RGL1: variants seen among roughly 807,000 people sequenced by gnomAD.
RGL1 encodes the protein ral guanine nucleotide dissociation stimulator-like 1.
Under a neutral mutation model 95.2 loss-of-function variants are expected in RGL1, and 24 were observed. The ratio of observed to expected loss-of-function variants is 0.25; its 90% CI spans 0.18 to 0.35. The LOEUF (loss-of-function observed/expected upper bound fraction) is 0.35, where lower values mean the gene tolerates loss of function less well. RGL1 is among the 10% of genes least tolerant of loss of function. The pLI is 1.00. For synonymous variants in RGL1, 329 were observed against 344.9 expected, an observed-to-expected ratio of 0.95 and a Z score of 0.51; for missense variants, 715 against 936.3, an observed-to-expected ratio of 0.76 and a Z score of 3.08.
rs759515944 is a variant in RGL1, at chr1:183,722,228, C to CA, written c.-32-19883dup. ...GAGAGAACACTTAATAGTCTGGGAC[C>CA]AAAAAAAAAAAAAAAGATAAATGAA... On this transcript the variant is annotated intron_variant, in intron 1 of 18. Coordinates refer to the RGL1 transcript ENST00000304685. Among the ~76,000 whole-genome samples, 709 of 94,932 alleles carry CA rather than the reference C, an allele frequency of 7.5e-3. 3 individuals are homozygous for CA. Among genetic ancestry groups the CA allele is most frequent in the Admixed American group, 9.9e-3 (90 of 9,068 alleles). 62.3% of individuals were successfully genotyped at this position (94,932 alleles called of 152,430 possible).
chr1:183,650,634 T>C (rs1650673713), intron 1 of RGL1, among the ~76,000 whole-genome samples: 1 of 152,012 alleles, frequency 6.6e-6, no homozygotes, highest in African/African-American at 2.4e-5. Flanking sequence ...TTAATTATTA[T>C]AACACTTTGA....
chr1:183,793,076 G>A (rs544790429), intron 2 of RGL1, among the ~76,000 whole-genome samples: 1 of 152,094 alleles, frequency 6.6e-6, no homozygotes, highest in South Asian at 2.1e-4. Flanking sequence ...GTATGGTATT[G>A]GTTTAAAAAC....
intron 2 of RGL1, among the ~76,000 whole-genome samples, chr1:183,798,810 TG>T (rs796157587): frequency 3.3e-5 from 5 of 152,108 alleles, no homozygotes; most frequent in African/African-American, 1.2e-4. Flanking sequence ...TTTGTCTTTC[TG>T]TATTTGGTTT....
intron 1 of RGL1, among the ~76,000 whole-genome samples, chr1:183,639,110 T>A (rs932587010): frequency 6.6e-6 from 1 of 152,088 alleles, no homozygotes; most frequent in Non-Finnish European, 1.5e-5. Flanking sequence ...GGAAACCCTG[T>A]CTCTACTAAA....
In RGL1 at chr1:183,743,211, G is replaced by A. The variant is rs142701419; in HGVS notation, c.132+922G>A. ...AATTTTTTGTAAAGATGAGACTCTC[G>A]CTATGTTGCCCAGGCTGGTCTTGAA... is the stretch of plus-strand genomic sequence containing the variant. On this transcript the variant is annotated intron_variant, in intron 2 of 18. Transcript: ENST00000304685. Among the ~76,000 whole-genome samples, 6 of 152,062 alleles carry A rather than the reference G, an allele frequency of 3.9e-5. No homozygotes were observed. In the South Asian group the frequency reaches 1.0e-3, roughly 26 times the overall value.
intron 1 of RGL1, among the ~76,000 whole-genome samples, chr1:183,645,581 C>T (rs961554715): frequency 6.6e-6 from 1 of 152,220 alleles, no homozygotes; most frequent in African/African-American, 2.4e-5. Context: ...GGTGGAGCAA[C>T]CCAATTTCTC....
At chr1:183,651,129 C>T (rs956221747) in intron 1 of RGL1, among the ~76,000 whole-genome samples, 6 of 152,048 alleles carry the variant, frequency 3.9e-5, no homozygotes, top group Non-Finnish European at 8.8e-5. Context: ...TTATGTGGTC[C>T]AGTCTCTACT....
intron 2 of RGL1, among the ~76,000 whole-genome samples, chr1:183,820,108 G>A (rs949908984): frequency 3.3e-5 from 5 of 151,870 alleles, no homozygotes; most frequent in African/African-American, 1.2e-4. Flanking sequence ...GTTTCGTTTT[G>A]ATTTAAAGAA....
At chr1:183,739,336 G>C (rs1158743767) in intron 1 of RGL1, among the ~76,000 whole-genome samples, 2 of 152,258 alleles carry the variant, frequency 1.3e-5, no homozygotes, top group African/African-American at 4.8e-5. Context: ...AGCATGAGAA[G>C]GAGGTTGCAT....
chr1:183,773,466 G>A (rs1246493358), intron 2 of RGL1, among the ~76,000 whole-genome samples: 1 of 152,194 alleles, frequency 6.6e-6, no homozygotes, highest in Non-Finnish European at 1.5e-5. Flanking sequence ...GCCCTGAGAT[G>A]AGCATGTGAG....
At chr1:183,730,967 A>G (rs1656597835) in intron 1 of RGL1, among the ~76,000 whole-genome samples, 1 of 152,162 alleles carries the variant, frequency 6.6e-6, no homozygotes, top group African/African-American at 2.4e-5. Flanking sequence ...GAAGTGGACA[A>G]ATGGAGTGGG....
At chr1:183,905,204 G>A (rs1668249667) in intron 13 of RGL1, among the ~76,000 whole-genome samples, 2 of 152,134 alleles carry the variant, frequency 1.3e-5, no homozygotes. Flanking sequence ...CCTTGAACAA[G>A]TCATTTGTTC....
At chr1:183,788,846 C>G (rs1025900388) in intron 2 of RGL1, among the ~76,000 whole-genome samples, 107 of 152,200 alleles carry the variant, frequency 7.0e-4, no homozygotes, top group African/African-American at 2.5e-3. Context: ...GGGGGCACGT[C>G]CAGGATTCTT....
rs117407804 is a variant in RGL1 at position 183,857,540 on chromosome 1, G to C, written c.348-8456G>C. ...AAGGTCGGTGTCCACCCTCACCTTT[G>C]TTCTGTTCAGGACATCATGCCCTGT... On this transcript the variant is annotated intron_variant, in intron 3 of 17. Transcript: ENST00000360851. Among the ~76,000 whole-genome samples, 7 of 152,224 alleles carry C rather than the reference G, an allele frequency of 4.6e-5. No individual in the cohort carries two copies. In the East Asian group the frequency reaches 1.3e-3, roughly 29 times the overall value.
chr1:183,795,925 C>T (rs2500097), intron 2 of RGL1, among the ~76,000 whole-genome samples: 57,079 of 151,740 alleles, frequency 0.38, 11,169 homozygotes, highest in South Asian at 0.57. Flanking sequence ...ACTCAAAATA[C>T]GGGTCTAATT....
At chr1:183,709,650 T>A (rs1655142002) in intron 1 of RGL1, 1 of 214,310 alleles carries the variant, frequency 4.7e-6, no homozygotes, top group African/African-American at 2.3e-5. Flanking sequence ...GCTGTCACAG[T>A]TATTTATGAA....
chr1:183,805,961 CTTTTCTTTTCTTTTTTTTTTTTT>C (rs1661271873), intron 1 of RGL1, among the ~76,000 whole-genome samples: 1 of 43,338 alleles, frequency 2.3e-5, no homozygotes, highest in African/African-American at 9.1e-5. Flanking sequence ...TTTTCTTTTT[CTTTTCTTTTCTTTTTTTTTTTTT>C]TTTTTTTTTT....
chr1:183,859,877 T>C (rs1277437417), intron 3 of RGL1, among the ~76,000 whole-genome samples: 1 of 152,210 alleles, frequency 6.6e-6, no homozygotes, highest in Non-Finnish European at 1.5e-5. Context: ...GACCCAGTTC[T>C]CAGGTCAGAC....
intron 2 of RGL1, among the ~76,000 whole-genome samples, chr1:183,814,717 C>T (rs1342549150): frequency 6.6e-6 from 1 of 152,086 alleles, no homozygotes; most frequent in Admixed American, 6.6e-5. Flanking sequence ...AAAAGCAAAC[C>T]TTTTCTGCTA....
Sources: allele counts gnomAD v4.1 joint callset (sites outside exome capture counted in the v4.1 genomes callset), GRCh38; gene constraint gnomAD v4.1.1; transcripts MANE v1.5; gene names NCBI Gene and HGNC (gene_info 2026-07-23, HGNC 2026-07-21).